Variants in LSM14B observed in about 807,000 individuals in gnomAD.
LSM14B encodes the protein protein LSM14 homolog B.
LSM14B carries 8 observed loss-of-function variants against 42.1 expected under a neutral mutation model. That is an observed-to-expected ratio of 0.19 (90% CI 0.11 to 0.34). LSM14B has a LOEUF of 0.34. Ranked by LOEUF, LSM14B falls within the 10% of genes least tolerant of loss-of-function variation. LSM14B has a pLI of 1.00. For missense variants in LSM14B, 396 were observed against 513.1 expected (o/e 0.77, Z 2.21); for synonymous variants, 219 against 209.7 (o/e 1.04, Z -0.38).
rs1156593960 is a variant in LSM14B at position 62,134,222 on chromosome 20, G to T, written c.*74G>T. 2.1e-6 allele frequency: 1 copy of T among 471,604 alleles called. No homozygotes were observed. Among genetic ancestry groups the T allele is most frequent in the East Asian group, 6.9e-5 (1 of 14,396 alleles). The allele number at this position is 471,604 out of a possible 1,614,324, so 29.2% of individuals were successfully genotyped here. ...TGTGTCAGGACGCGAGGAAAACGCT[G>T]CACTTACAGGGAGAGGTGGTCACTT... On this transcript the variant is annotated 3_prime_UTR_variant, in exon 9 of 9. Coordinates refer to ENST00000279068, the MANE Select transcript of LSM14B (RefSeq NM_144703.3).
chr20:62,130,483 C>G lies in LSM14B; in HGVS notation c.674-47C>G. ...ATTCCTTGTGAGGTGTTTGAGATCA[C>G]TGGGTTGGTGACCTACTTCAGCCAG... On this transcript the variant is annotated intron_variant, in intron 5 of 8. Transcript: ENST00000279068. The surrounding 1 kb of genome is among the most constrained non-coding windows in gnomAD (Gnocchi z 4.1). 1 of 1,601,230 alleles carries G rather than the reference C, an allele frequency of 6.2e-7. No homozygotes were observed. The highest frequency in any genetic ancestry group is 8.5e-7 in the Non-Finnish European group (1 of 1,172,644).
In LSM14B at chr20:62,122,919, G is replaced by A; in HGVS notation, c.127+126G>A. ...AGACCCCGCCCAGAACCCACCCAGG[G>A]CACACCCGGCCCGAGATCCCCTGCC... On this transcript the variant is annotated intron_variant, in intron 1 of 8. Coordinates refer to ENST00000279068, the MANE Select transcript of LSM14B (RefSeq NM_144703.3). This position sits in a 1 kb window ranked among gnomAD's most constrained non-coding sequence, Gnocchi z 4.6. The A allele has an allele frequency of 2.3e-6, 2 of 866,484 alleles. No individual in the cohort carries two copies. Among genetic ancestry groups the A allele is most frequent in the Non-Finnish European group, 3.0e-6 (2 of 666,028 alleles). The allele number at this position is 866,484 out of a possible 1,614,324, so 53.7% of individuals were successfully genotyped here.
At position 62,122,732 on chromosome 20, in the gene LSM14B, C is replaced by T. The variant is rs1568698951; in HGVS notation, c.66C>T (p.Ile22=). Residue 22 remains isoleucine, a synonymous_variant, in exon 1 of 9, where the codon ATC becomes ATT. Transcript: ENST00000279068. The surrounding 1 kb of genome is among the most constrained non-coding windows in gnomAD (Gnocchi z 4.6). ...TCAGCCTCATCTCCAAGGCGCAGAT[C>T]CGCTACGAGGGCATTCTCTACACCA... ...SKISLISKAQ[I]RYEGILYTID... The T allele has an allele frequency of 2.0e-6, 3 of 1,526,302 alleles. No homozygotes were observed. The highest frequency in any genetic ancestry group is 2.3e-5 in the South Asian group (2 of 85,110). The allele number at this position is 1,526,302 out of a possible 1,614,324, so 94.5% of individuals were successfully genotyped here.
chr20:62,127,481 C>A, intron 3 of LSM14B: 1 of 783,880 alleles, frequency 1.3e-6, no homozygotes, highest in Non-Finnish European at 2.1e-6. Context: ...CAGAATCCTA[C>A]AAGAGGTTGC....
In LSM14B at chr20:62,122,716, T is replaced by C; in HGVS notation, c.50T>C (p.Ile17Thr). Residue 17 changes from isoleucine to threonine, a missense_variant, in exon 1 of 9, where the codon ATC (isoleucine) becomes ACC (threonine). Around this residue, in one of 3 missense-constraint regions of LSM14B, gnomAD observed 274 missense variants for 335.8 expected, o/e 0.82. Coordinates refer to ENST00000279068, the MANE Select transcript of LSM14B (RefSeq NM_144703.3). The surrounding 1 kb of genome is among the most constrained non-coding windows in gnomAD (Gnocchi z 4.6). ...TPYLGSKISLISKAQIRYEGI... is the reference protein window; with the variant it reads ...TPYLGSKISLTSKAQIRYEGI... ...TATCTGGGCAGCAAGATCAGCCTCA[T>C]CTCCAAGGCGCAGATCCGCTACGAG... The C allele has an allele frequency of 6.6e-7, 1 of 1,518,130 alleles. No individual in the cohort carries two copies. The highest frequency in any genetic ancestry group is 1.2e-5 in the South Asian group (1 of 84,678). 94.0% of individuals were successfully genotyped at this position (1,518,130 alleles called of 1,614,324 possible).
At position 62,122,576 on chromosome 20, in the gene LSM14B, G is replaced by C. The variant is rs1046988892; in HGVS notation, c.-91G>C. 614 of 929,566 alleles carry C rather than the reference G, an allele frequency of 6.6e-4. No homozygotes were observed. The highest frequency in any genetic ancestry group is 7.7e-4 in the Non-Finnish European group (596 of 773,044). The allele number at this position is 929,566 out of a possible 1,614,324, so 57.6% of individuals were successfully genotyped here. ...GGCGGCGGCGGGCGGAGGAGCGCAGGAGCGGGCGGCCAGGCCACCGCGCGG... is the reference window on the plus strand; with the variant it reads ...GGCGGCGGCGGGCGGAGGAGCGCAGCAGCGGGCGGCCAGGCCACCGCGCGG... On this transcript the variant is annotated 5_prime_UTR_variant, in exon 1 of 9. Coordinates refer to ENST00000279068, the MANE Select transcript of LSM14B (RefSeq NM_144703.3). The surrounding 1 kb of genome is among the most constrained non-coding windows in gnomAD (Gnocchi z 4.6).
At chr20:62,134,119 T>A (rs1268500882) in intron 8 of LSM14B, 44 bp from the exon 9 acceptor site, 2 of 422,344 alleles carry the variant, frequency 4.7e-6, no homozygotes, top group African/African-American at 4.1e-5. Context: ...GCAACAGTGC[T>A]AGCTTATCCC....
rs73611737 is a variant in LSM14B at position 62,135,342 on chromosome 20, T to C, written c.*1194T>C. The C allele has an allele frequency of 2.0e-5, 3 of 152,346 alleles. No individual in the cohort carries two copies. The East Asian group carries it at 5.8e-4, about 29-fold the overall frequency. The allele number at this position is 152,346 out of a possible 1,614,324, so 9.4% of individuals were successfully genotyped here. On this transcript the variant is annotated 3_prime_UTR_variant, in exon 9 of 9. Transcript: ENST00000279068. ...GCTCCTCTGTTGGAGTAATGTAAAT[T>C]GTAATTATAAATAAACATGCAAACC...
Position 62,122,994 on chromosome 20 carries a change from C to T in LSM14B, c.127+201C>T, listed in dbSNP as rs1031663964. 1.3e-5 allele frequency among the ~76,000 whole-genome samples: 2 copies of T among 152,004 alleles called. No individual in the cohort carries two copies. The highest frequency in any genetic ancestry group is 4.8e-5 in the African/African-American group (2 of 41,418). ...GAGGCGCCCCCTTCCCGCGCGCCAC[C>T]CTCCCCCAGCGTAGCCGGCCGCACA... On this transcript the variant is annotated intron_variant, in intron 1 of 8. Transcript: ENST00000279068. This position sits in a 1 kb window ranked among gnomAD's most constrained non-coding sequence, Gnocchi z 4.6.
Position 62,127,992 on chromosome 20 carries a change from C to A in LSM14B, c.427+1553C>A, listed in dbSNP as rs1449197785. 4 of 616,212 alleles carry A rather than the reference C, an allele frequency of 6.5e-6. No individual in the cohort carries two copies. In the East Asian group the frequency reaches 1.1e-4, roughly 17 times the overall value. 38.2% of individuals were successfully genotyped at this position (616,212 alleles called of 1,614,324 possible). A position where few individuals can be genotyped will look rare whatever the true frequency, so the allele number is the denominator to read the frequency against. On this transcript the variant is annotated intron_variant, in intron 3 of 8. Coordinates refer to ENST00000279068, the MANE Select transcript of LSM14B (RefSeq NM_144703.3). ...GGAAACTTCACTGTTCACAGAAAGT[C>A]ATTTCCCTGGGGTTTTTGCTGGGTC...
At position 62,122,630 on chromosome 20, in the gene LSM14B, C is replaced by T; in HGVS notation, c.-37C>T. The T allele has an allele frequency of 1.6e-6, 2 of 1,278,930 alleles. No individual in the cohort carries two copies. Among genetic ancestry groups the T allele is most frequent in the Non-Finnish European group, 2.0e-6 (2 of 987,626 alleles). 79.2% of individuals were successfully genotyped at this position (1,278,930 alleles called of 1,614,324 possible). A position where few individuals can be genotyped will look rare whatever the true frequency, so the allele number is the denominator to read the frequency against. On this transcript the variant is annotated 5_prime_UTR_variant, in exon 1 of 9. Coordinates refer to ENST00000279068, the MANE Select transcript of LSM14B (RefSeq NM_144703.3). This position sits in a 1 kb window ranked among gnomAD's most constrained non-coding sequence, Gnocchi z 4.6. ...CGGAGCGGGCCGCGGCCCGGCGCTC[C>T]TTCCCCACCGCGGCCCGACGCACCC...
At position 62,134,222 on chromosome 20, in the gene LSM14B, G is replaced by C; in HGVS notation, c.*74G>C. 1 of 471,604 alleles carries C rather than the reference G, an allele frequency of 2.1e-6. No individual in the cohort carries two copies. Among genetic ancestry groups the C allele is most frequent in the Non-Finnish European group, 4.4e-6 (1 of 227,126 alleles). The allele number at this position is 471,604 out of a possible 1,614,324, so 29.2% of individuals were successfully genotyped here. A position where few individuals can be genotyped will look rare whatever the true frequency, so the allele number is the denominator to read the frequency against. ...TGTGTCAGGACGCGAGGAAAACGCT[G>C]CACTTACAGGGAGAGGTGGTCACTT... On this transcript the variant is annotated 3_prime_UTR_variant, in exon 9 of 9. Transcript: ENST00000279068.
intron 7 of LSM14B, 72 bp from the exon 8 acceptor site, chr20:62,133,208 CCTGGGCCGCT>C: frequency 6.5e-7 from 1 of 1,546,456 alleles, no homozygotes; most frequent in Non-Finnish European, 8.8e-7. Flanking sequence ...TCCCTCCTTC[CCTGGGCCGCT>C]CTGAGGACGA....
intron 3 of LSM14B, chr20:62,129,055 C>G (rs1384221570): frequency 3.1e-6 from 4 of 1,273,034 alleles, no homozygotes; most frequent in Non-Finnish European, 3.1e-6. Flanking sequence ...TCCCATTTTC[C>G]TCCTGATTCA....
In LSM14B at chr20:62,126,368, G is replaced by T; in HGVS notation, c.356G>T (p.Gly119Val). The T allele has an allele frequency of 1.2e-6, 2 of 1,613,208 alleles. No individual in the cohort carries two copies. Among genetic ancestry groups the T allele is most frequent in the Non-Finnish European group, 1.7e-6 (2 of 1,179,894 alleles). Reference protein sequence around the residue: ...QPHVPYSPFRGMAPYGPLAAS... With the variant: ...QPHVPYSPFRVMAPYGPLAAS... ...CACGTGCCTTACAGCCCTTTCCGAGGGATGGCGCCCTACGGCCCGCTGGCG... is the reference window on the plus strand; with the variant it reads ...CACGTGCCTTACAGCCCTTTCCGAGTGATGGCGCCCTACGGCCCGCTGGCG... The change falls in exon 3 of 9, where the codon GGG (glycine) becomes GTG (valine). Residue 119 changes from glycine to valine, a missense_variant. By Grantham distance (109) the Gly-to-Val change is moderately radical (BLOSUM62 -3). Coordinates refer to ENST00000279068, the MANE Select transcript of LSM14B (RefSeq NM_144703.3).
chr20:62,134,180 G>A lies in LSM14B; in HGVS notation c.*32G>A, dbSNP rs1213723677. The A allele has an allele frequency of 4.5e-5, 21 of 468,946 alleles. No individual in the cohort carries two copies. Among genetic ancestry groups the A allele is most frequent in the East Asian group, 4.2e-4 (6 of 14,350 alleles). 29.0% of individuals were successfully genotyped at this position (468,946 alleles called of 1,614,324 possible). Reference sequence around the variant, plus strand: ...TCTTGCAGGCTCCTACTGAAGTGGCGCATAACTGACGCTGTGTGTGTCAGG... The same window carrying A: ...TCTTGCAGGCTCCTACTGAAGTGGCACATAACTGACGCTGTGTGTGTCAGG... On this transcript the variant is annotated 3_prime_UTR_variant, in exon 9 of 9. Transcript: ENST00000279068.
intron 8 of LSM14B, 108 bp from the exon 9 acceptor site, chr20:62,134,055 A>C: frequency 2.8e-6 from 1 of 363,380 alleles, no homozygotes. Flanking sequence ...GGGGGTAGCC[A>C]GTCTGACTCT....
chr20:62,129,764 C>G (rs756888926), intron 3 of LSM14B, 21 bp from the exon 4 acceptor site: 1 of 1,593,858 alleles, frequency 6.3e-7, no homozygotes, highest in South Asian at 1.1e-5. Context: ...TTTTTAAACC[C>G]TCCTCCCCTC....
intron 7 of LSM14B, among the ~76,000 whole-genome samples, chr20:62,132,031 T>A (rs2056781740): frequency 6.6e-6 from 1 of 152,192 alleles, no homozygotes; most frequent in African/African-American, 2.4e-5. Flanking sequence ...GGGCCTGGCT[T>A]GGAAACTTGG....
Sources: allele counts gnomAD v4.1 joint callset (sites outside exome capture counted in the v4.1 genomes callset), GRCh38; gene constraint gnomAD v4.1.1; regional missense constraint gnomAD v4.1.1; non-coding constraint Gnocchi (gnomAD v3.1); transcripts MANE v1.5; gene names NCBI Gene and HGNC (gene_info 2026-07-23, HGNC 2026-07-21).